The following RBFOX1 variants were observed in gnomAD, a reference collection of about 807,000 sequenced individuals.
RBFOX1 encodes the protein RNA binding fox-1 homolog 1, also known as RNA binding protein fox-1 homolog 1.
RBFOX1 carries 8 observed loss-of-function variants against 57.7 expected under a neutral mutation model. The ratio of observed to expected loss-of-function variants is 0.14; its 90% CI spans 0.08 to 0.25. The LOEUF (loss-of-function observed/expected upper bound fraction) is 0.25, where lower values mean the gene tolerates loss of function less well. Among genes scored for constraint, RBFOX1 ranks in the 10% least tolerant of loss-of-function variants. The pLI is 1.00. For synonymous variants in RBFOX1, 326 were observed against 222.4 expected (o/e 1.47, Z -4.15); for missense variants, 611 against 548.5 (o/e 1.11, Z -1.14).
chr16:7,595,140 C>T (rs1020428113), intron 7 of RBFOX1, among the ~76,000 whole-genome samples: 4 of 152,152 alleles, frequency 2.6e-5, no homozygotes, highest in Admixed American at 1.3e-4. Flanking sequence ...ATTTCGTGCA[C>T]ACGTTTTATT....
intron 4 of RBFOX1, among the ~76,000 whole-genome samples, chr16:7,303,760 GCTCT>G (rs145673482): frequency 0.096 from 13,382 of 139,714 alleles, 673 homozygotes; most frequent in Middle Eastern, 0.1. Context: ...CCTCCCTCTC[GCTCT>G]CTCTCTCTCT....
chr16:5,675,192 A>T (rs371106518), intron 3 of RBFOX1, among the ~76,000 whole-genome samples: 11 of 152,108 alleles, frequency 7.2e-5, no homozygotes, highest in African/African-American at 2.4e-4. Context: ...GTATATATAC[A>T]TCCACATGCA....
chr16:7,683,797 G>A (rs978318600), intron 14 of RBFOX1, among the ~76,000 whole-genome samples: 1 of 151,858 alleles, frequency 6.6e-6, no homozygotes, highest in Admixed American at 6.6e-5. Context: ...TAGCTCTGTT[G>A]AGAATATACG....
chr16:6,989,364 A>G (rs944143577), intron 3 of RBFOX1, among the ~76,000 whole-genome samples: 2 of 152,178 alleles, frequency 1.3e-5, no homozygotes, highest in Non-Finnish European at 2.9e-5. Flanking sequence ...TTTGAAGGAC[A>G]TTTTATTAAA....
At position 5,280,451 on chromosome 16, in the gene RBFOX1, C is replaced by G. The variant is rs143540330; in HGVS notation, c.219+40346C>G. ...ATATCAGGGTAGTGCTGGCCTTATA[C>G]AATGAGTTAGGAAGAATTCCCTCCT... On this transcript the variant is annotated intron_variant, in intron 1 of 2. Transcript: ENST00000585867. 9.2e-3 allele frequency among the ~76,000 whole-genome samples: 1,397 copies of G among 152,270 alleles called. 22 individuals carry two copies. The highest frequency in any genetic ancestry group is 0.031 in the African/African-American group (1,307 of 41,550).
At chr16:6,785,311 C>T (rs1718491353) in intron 3 of RBFOX1, among the ~76,000 whole-genome samples, 1 of 152,122 alleles carries the variant, frequency 6.6e-6, no homozygotes, top group African/African-American at 2.4e-5. Flanking sequence ...TAAGCCATCT[C>T]ATTTATCCAG....
chr16:6,540,628 A>C (rs1048945826), intron 2 of RBFOX1, among the ~76,000 whole-genome samples: 8 of 151,722 alleles, frequency 5.3e-5, no homozygotes, highest in African/African-American at 1.9e-4. Flanking sequence ...AAAAAAAAAA[A>C]AAAAAAAAAA....
chr16:6,667,001 C>T (rs1264816850), intron 3 of RBFOX1, among the ~76,000 whole-genome samples: 2 of 152,124 alleles, frequency 1.3e-5, no homozygotes, highest in East Asian at 1.9e-4. Flanking sequence ...GTCTCTGCAC[C>T]TGCCTTTTAT....
chr16:7,379,746 TTGCC>T (rs1010841799), intron 4 of RBFOX1, among the ~76,000 whole-genome samples: 10 of 151,122 alleles, frequency 6.6e-5, no homozygotes, highest in Non-Finnish European at 1.3e-4. Context: ...GCCTGCCTGC[TTGCC>T]TGCCTGCCTG....
chr16:6,704,608 CA>C (rs1390581285), intron 3 of RBFOX1: 2 of 152,432 alleles, frequency 1.3e-5, no homozygotes, highest in African/African-American at 4.8e-5. Flanking sequence ...TAGCTGGAGC[CA>C]AGAGGGGTGG....
chr16:5,927,742 T>C lies in RBFOX1; in HGVS notation c.351+60407T>C, dbSNP rs531559807. On this transcript the variant is annotated intron_variant, in intron 4 of 19. Coordinates refer to the RBFOX1 transcript ENST00000641259. ...ATGGGTAAAAATAATGTGGTGTATA[T>C]ACATGATGGAATACTATTCAGCCTT... 2.0e-5 allele frequency among the ~76,000 whole-genome samples: 3 copies of C among 152,322 alleles called. No homozygotes were observed. In the East Asian group the frequency reaches 5.8e-4, roughly 29 times the overall value.
chr16:5,666,818 T>C (rs772637699), intron 3 of RBFOX1, among the ~76,000 whole-genome samples: 3 of 152,208 alleles, frequency 2.0e-5, no homozygotes, highest in Non-Finnish European at 4.4e-5. Flanking sequence ...GTGACTTTTG[T>C]GGGGTAACTC....
chr16:6,190,541 G>A (rs775062900), intron 1 of RBFOX1, among the ~76,000 whole-genome samples: 1 of 152,164 alleles, frequency 6.6e-6, no homozygotes, highest in African/African-American at 2.4e-5. Context: ...TTGTTATGAA[G>A]TTGAATGAGA....
In RBFOX1 at chr16:5,788,983, A is replaced by T. The variant is rs192968955; in HGVS notation, c.319-78320A>T. Reference sequence around the variant, plus strand: ...TCCTGCCTACCCTATGTGGGAGTCAATGCTCTTCCACTTCCAGCTGATTCT... The same window carrying T: ...TCCTGCCTACCCTATGTGGGAGTCATTGCTCTTCCACTTCCAGCTGATTCT... On this transcript the variant is annotated intron_variant, in intron 3 of 19. Transcript: ENST00000641259. 2.0e-5 allele frequency among the ~76,000 whole-genome samples: 3 copies of T among 152,150 alleles called. No individual in the cohort carries two copies. In the South Asian group the frequency reaches 6.2e-4, roughly 32 times the overall value.
rs189702151 is a variant in RBFOX1, at chr16:7,443,720, T to G, written c.28-74427T>G. ...AAACTTGAAATCATTTCACATGTGT[T>G]GTCTTATTCAAACCTCTCTAAACCG... On this transcript the variant is annotated intron_variant, in intron 4 of 15. Coordinates refer to ENST00000550418, the MANE Select transcript of RBFOX1 (RefSeq NM_018723.4). Among the ~76,000 whole-genome samples the G allele has an allele frequency of 3.2e-3, 486 of 152,318 alleles. 1 individual carries two copies. Among genetic ancestry groups the G allele is most frequent in the Non-Finnish European group, 5.5e-3 (371 of 68,036 alleles).
chr16:5,244,608 A>G (rs1484080843), intron 1 of RBFOX1, among the ~76,000 whole-genome samples: 2 of 152,232 alleles, frequency 1.3e-5, no homozygotes, highest in African/African-American at 4.8e-5. Context: ...TTCCCTGGCA[A>G]CAATCTTTGA....
intron 3 of RBFOX1, among the ~76,000 whole-genome samples, chr16:5,828,047 A>G (rs529312860): frequency 1.3e-5 from 2 of 150,490 alleles, no homozygotes; most frequent in South Asian, 2.1e-4. Context: ...GTATCCATCC[A>G]TCTACCCACC....
At chr16:7,647,766 T>A (rs1279375172) in intron 11 of RBFOX1, among the ~76,000 whole-genome samples, 11 of 152,206 alleles carry the variant, frequency 7.2e-5, no homozygotes. Flanking sequence ...ATTGGCTTTA[T>A]TAAATAGTCA....
chr16:5,665,238 A>C (rs1266352922), intron 3 of RBFOX1, among the ~76,000 whole-genome samples: 1 of 151,334 alleles, frequency 6.6e-6, no homozygotes. Context: ...GGCAGGAGCC[A>C]CTGCTTCTGG....
Sources: gnomAD v4.1 joint callset for allele counts (sites outside exome capture counted in the v4.1 genomes callset) on GRCh38, gnomAD v4.1.1 for gene constraint, MANE v1.5 for transcripts, NCBI Gene and HGNC (gene_info 2026-07-23, HGNC 2026-07-21) for gene names.